The following GPLD1 variants were observed in gnomAD, a reference collection of about 807,000 sequenced individuals.
GPLD1 encodes glycosylphosphatidylinositol specific phospholipase D1.
A neutral mutation model predicts 112.6 loss-of-function variants in GPLD1; 84 were observed. The ratio of observed to expected loss-of-function variants is 0.75; its 90% CI spans 0.63 to 0.89. The LOEUF is 0.89. GPLD1 is among the 40% of genes least tolerant of loss of function. The probability of loss-of-function intolerance (pLI) is 0.00; values close to 1 mark genes in which losing one functional copy is unlikely to be tolerated. For synonymous variants in GPLD1, 386 were observed against 403.8 expected (o/e 0.96, Z 0.53); for missense variants, 1,044 against 1,051.5 (o/e 0.99, Z 0.10).
intron 20 of GPLD1, among the ~76,000 whole-genome samples, chr6:24,443,020 T>A (rs1561833232): frequency 6.6e-6 from 1 of 152,178 alleles, no homozygotes; most frequent in African/African-American, 2.4e-5. Context: ...TAATAATGTG[T>A]GTTGCAAGAG....
In GPLD1 at chr6:24,476,242, G is replaced by A. The variant is rs775725259; in HGVS notation, c.269C>T (p.Thr90Ile). 8 of 1,569,028 alleles carry A rather than the reference G, an allele frequency of 5.1e-6. No individual in the cohort carries two copies. The highest frequency in any genetic ancestry group is 7.0e-6 in the Non-Finnish European group (8 of 1,150,766). Residue 90 changes from threonine to isoleucine, a missense_variant, in exon 4 of 25, where the codon ACT (threonine) becomes ATT (isoleucine). Thr to Ile is a moderately conservative substitution (Grantham distance 89). Coordinates refer to ENST00000230036, the MANE Select transcript of GPLD1 (RefSeq NM_001503.4). ...ATGAACGCTTGCATTAAGAAACGGA[G>A]TCCAGTGAGTGCTCTCAGACACATC... ...FHDVSESTHW[T>I]PFLNASVHYI...
chr6:24,466,816 A>G lies in GPLD1; in HGVS notation c.685T>C (p.Tyr229His), dbSNP rs1763633291. ...GGGGACTTTGTAGAGTAAGTGGGAT[A>G]TAACTATGGCAGAGAGAAAGAAAAA... The part of the protein sequence containing the change: ...YGEMLAVSKL[Y>H]PTYSTKSPFL... Residue 229 changes from tyrosine to histidine, a missense_variant, in exon 10 of 25, where the codon TAT becomes CAT. Coordinates refer to ENST00000230036, the MANE Select transcript of GPLD1 (RefSeq NM_001503.4). The G allele has an allele frequency of 1.2e-6, 2 of 1,606,580 alleles. No homozygotes were observed. Among genetic ancestry groups the G allele is most frequent in the African/African-American group, 1.4e-5 (1 of 74,020 alleles).
At chr6:24,443,076 G>A (rs922161127) in intron 20 of GPLD1, among the ~76,000 whole-genome samples, 2 of 152,164 alleles carry the variant, frequency 1.3e-5, no homozygotes, top group Admixed American at 6.5e-5. Context: ...ATGATTCTGT[G>A]GCTGACTGCT....
chr6:24,474,693 G>C (rs952468008), intron 5 of GPLD1, among the ~76,000 whole-genome samples: 3 of 152,176 alleles, frequency 2.0e-5, no homozygotes, highest in Non-Finnish European at 2.9e-5. Context: ...TGTTATCCCA[G>C]CACTTTGGGA....
chr6:24,446,671 T>G (rs563328076), intron 18 of GPLD1, among the ~76,000 whole-genome samples, 167 bp downstream of exon 18: 240 of 152,374 alleles, frequency 1.6e-3, no homozygotes, highest in Non-Finnish European at 2.3e-3. Flanking sequence ...ATTGTATTTT[T>G]AAATTTCTAA....
intron 14 of GPLD1, among the ~76,000 whole-genome samples, chr6:24,453,145 C>T (rs1763147350): frequency 6.6e-6 from 1 of 152,158 alleles, no homozygotes; most frequent in African/African-American, 2.4e-5. Flanking sequence ...CGGGTTTTTT[C>T]AGGTGATGAA....
chr6:24,453,701 T>TGTGTGA (rs1262831968), intron 14 of GPLD1, among the ~76,000 whole-genome samples: 1 of 76,240 alleles, frequency 1.3e-5, no homozygotes, highest in Non-Finnish European at 3.9e-5. Flanking sequence ...ATACATTTCG[T>TGTGTGA]GTGTGTGTGT....
intron 17 of GPLD1, 116 bp from the exon 18 acceptor site, chr6:24,447,095 G>T: frequency 1.2e-6 from 1 of 853,440 alleles, no homozygotes; most frequent in Non-Finnish European, 1.9e-6. Context: ...CTGAGTTTTT[G>T]CCAGAGGTCT....
intron 20 of GPLD1, among the ~76,000 whole-genome samples, chr6:24,444,730 G>T (rs1158064037): frequency 1.3e-5 from 2 of 152,052 alleles, no homozygotes; most frequent in Non-Finnish European, 2.9e-5. Flanking sequence ...ACTGCCTGTA[G>T]TCGCAGCTAC....
intron 2 of GPLD1, among the ~76,000 whole-genome samples, chr6:24,483,331 A>G (rs1764264318): frequency 2.0e-5 from 3 of 151,846 alleles, no homozygotes; most frequent in Non-Finnish European, 4.4e-5. Flanking sequence ...AGCTACAGAA[A>G]CAAAAGTACT....
rs774946893 is a variant in GPLD1 at position 24,427,058 on chromosome 6, C to T, written c.*1974G>A. 1.6e-4 allele frequency among the ~76,000 whole-genome samples: 25 copies of T among 152,174 alleles called. No individual in the cohort carries two copies. The highest frequency in any genetic ancestry group is 3.2e-4 in the Non-Finnish European group (22 of 68,036). ...GAGAGAAGCTGAGAAGAGAAGGGCTCTTCTCATTTGTTATTTTCTCCTGCT... is the reference window on the plus strand; with the variant it reads ...GAGAGAAGCTGAGAAGAGAAGGGCTTTTCTCATTTGTTATTTTCTCCTGCT... On this transcript the variant is annotated 3_prime_UTR_variant, in exon 25 of 25. Coordinates refer to ENST00000230036, the MANE Select transcript of GPLD1 (RefSeq NM_001503.4).
At chr6:24,495,242 C>G (rs1366863787), upstream of GPLD1, 2 of 1,524,778 alleles carry the variant, frequency 1.3e-6, no homozygotes, top group Admixed American at 4.0e-5. Context: ...AAGACCCGGC[C>G]AGCGGCGCCG....
At chr6:24,454,323 C>T (rs750098696) in intron 13 of GPLD1, 122 bp from the exon 14 acceptor site, 11 of 575,682 alleles carry the variant, frequency 1.9e-5, no homozygotes, top group African/African-American at 3.8e-5. Flanking sequence ...TTCCACCCTG[C>T]GTGACTGTTG....
rs1762317108 is a variant in GPLD1 at position 24,428,866 on chromosome 6, T to G, written c.*166A>C. 1 of 489,412 alleles carries G rather than the reference T, an allele frequency of 2.0e-6. No individual in the cohort carries two copies. The highest frequency in any genetic ancestry group is 3.2e-5 in the East Asian group (1 of 31,368). 30.3% of individuals were successfully genotyped at this position (489,412 alleles called of 1,614,324 possible). On this transcript the variant is annotated 3_prime_UTR_variant, in exon 25 of 25. Coordinates refer to ENST00000230036, the MANE Select transcript of GPLD1 (RefSeq NM_001503.4). The stretch of plus-strand genomic sequence containing the variant: ...AGTCATATATTTACTGTATCAGATT[T>G]CCAGAGGGTGTGGCTGTTAGTGTGT...
At chr6:24,475,938 TG>T (rs1764000689) in intron 4 of GPLD1, among the ~76,000 whole-genome samples, 1 of 152,114 alleles carries the variant, frequency 6.6e-6, no homozygotes, top group Non-Finnish European at 1.5e-5. Flanking sequence ...TACGATGTGT[TG>T]GAAGTGCTTT....
Position 24,426,608 on chromosome 6 carries a change from G to A in GPLD1, c.*2424C>T, listed in dbSNP as rs1238809451. Among the ~76,000 whole-genome samples, 1 of 152,142 alleles carries A rather than the reference G, an allele frequency of 6.6e-6. No individual in the cohort carries two copies. The highest frequency in any genetic ancestry group is 2.4e-5 in the African/African-American group (1 of 41,422). On this transcript the variant is annotated 3_prime_UTR_variant, in exon 25 of 25. Coordinates refer to ENST00000230036, the MANE Select transcript of GPLD1 (RefSeq NM_001503.4). ...GTTTAAACAGAGGCCTTATCATTTA[G>A]TGAAGCATAAAAACTGACACTATAT...
At chr6:24,441,819 T>C (rs9467162) in intron 20 of GPLD1, among the ~76,000 whole-genome samples, 33,455 of 152,070 alleles carry the variant, frequency 0.22, 3,883 homozygotes, top group Non-Finnish European at 0.25. Context: ...CCTGCATTTT[T>C]ATTTGGAACT....
intron 6 of GPLD1, chr6:24,472,952 T>TC (rs1436596957): frequency 5.4e-5 from 12 of 223,264 alleles, no homozygotes; most frequent in African/African-American, 2.6e-4. Context: ...ATTTTTGTAT[T>TC]TTTAGTAGAG....
chr6:24,456,016 G>GA lies in GPLD1; in HGVS notation c.1148+481dup, dbSNP rs1179386358. Among the ~76,000 whole-genome samples the GA allele has an allele frequency of 7.3e-5, 11 of 151,670 alleles. No homozygotes were observed. In the South Asian group the frequency reaches 1.5e-3, roughly 20 times the overall value. On this transcript the variant is annotated intron_variant, in intron 13 of 24. Coordinates refer to ENST00000230036, the MANE Select transcript of GPLD1 (RefSeq NM_001503.4). ...ATAGCAAGACCCCATCTCTAGTACA[G>GA]AAAAAAAAATTTTTTTAATCAAATA...
Sources: gnomAD v4.1 joint callset for allele counts (sites outside exome capture counted in the v4.1 genomes callset) on GRCh38, gnomAD v4.1.1 for gene constraint, MANE v1.5 for transcripts, NCBI Gene and HGNC (gene_info 2026-07-23, HGNC 2026-07-21) for gene names.